NTM: variants seen among roughly 807,000 people sequenced by gnomAD.
The protein encoded by NTM is IgLON family member 2.
Under a neutral mutation model 42.1 loss-of-function variants are expected in NTM, and 13 were observed. That is an observed-to-expected ratio of 0.31 (90% CI 0.20 to 0.49). NTM has a LOEUF of 0.49. Among genes scored for constraint, NTM ranks in the 20% least tolerant of loss-of-function variants. The probability of loss-of-function intolerance (pLI) is 0.99; values close to 1 mark genes in which losing one functional copy is unlikely to be tolerated. For missense variants in NTM, 373 were observed against 452.8 expected (o/e 0.82, Z 1.60); for synonymous variants, 187 against 179.2 (o/e 1.04, Z -0.35).
chr11:131,954,399 A>G (rs1202476483), intron 2 of NTM, among the ~76,000 whole-genome samples: 1 of 152,176 alleles, frequency 6.6e-6, no homozygotes, highest in Non-Finnish European at 1.5e-5. Flanking sequence ...TCACCTGGAC[A>G]CGATCAGGGA....
intron 1 of NTM, among the ~76,000 whole-genome samples, chr11:131,457,728 C>CCA (rs1555116958): frequency 1.3e-5 from 2 of 152,066 alleles, no homozygotes; most frequent in East Asian, 3.9e-4. Flanking sequence ...TCCTCCCCCC[C>CCA]CAAATTTATG....
intron 1 of NTM, chr11:131,897,203 A>C (rs1298271767): frequency 6.6e-6 from 1 of 152,174 alleles, no homozygotes; most frequent in Non-Finnish European, 1.5e-5. Context: ...CCCTGTTAAG[A>C]AGCACTGACT....
At chr11:131,911,190 C>G (rs2054865602) in intron 1 of NTM, 1 of 1,359,850 alleles carries the variant, frequency 7.4e-7, no homozygotes, top group Non-Finnish European at 9.5e-7. Flanking sequence ...ACCTGCCGCG[C>G]GCTTCCCCCT....
chr11:132,143,362 C>A (rs2069608153), intron 2 of NTM, among the ~76,000 whole-genome samples: 1 of 152,174 alleles, frequency 6.6e-6, no homozygotes, highest in South Asian at 2.1e-4. Flanking sequence ...TTTATCAGGT[C>A]TTTCAGGTGA....
intron 3 of NTM, among the ~76,000 whole-genome samples, chr11:132,201,010 G>A (rs11824807): frequency 0.058 from 8,849 of 152,206 alleles, 556 homozygotes; most frequent in African/African-American, 0.16. Flanking sequence ...TTTTCTCTCT[G>A]TGAAGTGGGT....
At chr11:131,561,092 A>G (rs780827994) in intron 1 of NTM, among the ~76,000 whole-genome samples, 1 of 152,192 alleles carries the variant, frequency 6.6e-6, no homozygotes, top group African/African-American at 2.4e-5. Flanking sequence ...GTGCAATCTG[A>G]AGGGAACAAG....
chr11:131,864,347 ATT>A (rs1321831768), intron 1 of NTM, among the ~76,000 whole-genome samples: 1 of 152,192 alleles, frequency 6.6e-6, no homozygotes. Flanking sequence ...TGACAGCAGG[ATT>A]CTCCTGCTGC....
intron 2 of NTM, among the ~76,000 whole-genome samples, chr11:131,992,483 G>A (rs1000346080): frequency 6.6e-6 from 1 of 152,000 alleles, no homozygotes; most frequent in African/African-American, 2.4e-5. Flanking sequence ...TGAGCTCTCG[G>A]TGTATGAACA....
At chr11:131,824,269 A>C (rs749961399) in intron 1 of NTM, among the ~76,000 whole-genome samples, 14 of 152,184 alleles carry the variant, frequency 9.2e-5, no homozygotes, top group Non-Finnish European at 1.9e-4. Context: ...ATTATCCATT[A>C]CATTTGTTCA....
At chr11:131,827,410 GT>G (rs1347406530) in intron 1 of NTM, among the ~76,000 whole-genome samples, 1 of 152,174 alleles carries the variant, frequency 6.6e-6, no homozygotes, top group Non-Finnish European at 1.5e-5. Flanking sequence ...CACACAGTGG[GT>G]GACAAGGAGT....
intron 1 of NTM, among the ~76,000 whole-genome samples, chr11:131,464,752 G>A (rs1296821416): frequency 3.3e-5 from 5 of 152,208 alleles, no homozygotes. Context: ...AATTCTGGCT[G>A]ATTTCCATCT....
intron 1 of NTM, among the ~76,000 whole-genome samples, chr11:131,699,065 T>C (rs1251449741): frequency 6.6e-6 from 1 of 152,226 alleles, no homozygotes; most frequent in Non-Finnish European, 1.5e-5. Flanking sequence ...TTCATTGACT[T>C]GTTCACCTAA....
At chr11:131,700,985 G>A (rs1403381198) in intron 1 of NTM, among the ~76,000 whole-genome samples, 1 of 152,180 alleles carries the variant, frequency 6.6e-6, no homozygotes, top group South Asian at 2.1e-4. Flanking sequence ...GTTTCTTAAA[G>A]TTTCTGAACC....
chr11:131,702,255 T>G (rs529042043), intron 1 of NTM, among the ~76,000 whole-genome samples: 3 of 152,212 alleles, frequency 2.0e-5, no homozygotes, highest in African/African-American at 7.2e-5. Flanking sequence ...CTTTACTCCT[T>G]CTCTCTAAAA....
intron 2 of NTM, among the ~76,000 whole-genome samples, chr11:132,021,996 G>T (rs2074416972): frequency 2.0e-5 from 3 of 152,302 alleles, no homozygotes; most frequent in Admixed American, 2.0e-4. Flanking sequence ...AGAACCTGGG[G>T]TAGTCATTGG....
At chr11:132,013,849 G>A (rs534831111) in intron 2 of NTM, among the ~76,000 whole-genome samples, 52 of 152,134 alleles carry the variant, frequency 3.4e-4, no homozygotes, top group South Asian at 1.2e-3. Context: ...TAGGATAGCC[G>A]TCACTTGGGT....
intron 3 of NTM, among the ~76,000 whole-genome samples, chr11:132,199,675 C>T (rs980416717): frequency 3.3e-5 from 5 of 151,050 alleles, no homozygotes; most frequent in South Asian, 2.1e-4. Context: ...AACTGGTGAG[C>T]GAGAAAGAAG....
At chr11:131,592,647 AACACACACAC>A (rs3040142) in intron 1 of NTM, among the ~76,000 whole-genome samples, 5,518 of 140,736 alleles carry the variant, frequency 0.039, 348 homozygotes, top group African/African-American at 0.13. Context: ...ACACACCCCA[AACACACACAC>A]ACACACACAC....
At chr11:132,240,078 C>T (rs1337947262) in intron 4 of NTM, among the ~76,000 whole-genome samples, 1 of 152,140 alleles carries the variant, frequency 6.6e-6, no homozygotes, top group African/African-American at 2.4e-5. Context: ...TCCATCCATC[C>T]ATCCATCCAT....
Sources: gnomAD v4.1 joint callset for allele counts (sites outside exome capture counted in the v4.1 genomes callset) on GRCh38, gnomAD v4.1.1 for gene constraint, MANE v1.5 for transcripts, NCBI Gene and HGNC (gene_info 2026-07-23, HGNC 2026-07-21) for gene names.